Variants in MOB3B observed in about 807,000 individuals in gnomAD.
MOB3B encodes MOB kinase activator-like 2B.
A neutral mutation model predicts 18.7 loss-of-function variants in MOB3B; 7 were observed. The ratio of observed to expected loss-of-function variants is 0.37; its 90% CI spans 0.21 to 0.70. MOB3B has a LOEUF of 0.70. Among genes scored for constraint, MOB3B ranks in the 30% least tolerant of loss-of-function variants. MOB3B has a pLI of 0.52. For synonymous variants in MOB3B, 111 were observed against 99.9 expected (o/e 1.11, Z -0.66); for missense variants, 253 against 281.3 (o/e 0.90, Z 0.72).
chr9:27,510,247 G>A (rs534833264), intron 1 of MOB3B, among the ~76,000 whole-genome samples: 245 of 152,252 alleles, frequency 1.6e-3, no homozygotes, highest in Admixed American at 4.6e-3. Context: ...TGAGTTTTTC[G>A]TATTTCTGTT....
chr9:27,363,885 G>A (rs1466318439), intron 2 of MOB3B, among the ~76,000 whole-genome samples: 1 of 152,146 alleles, frequency 6.6e-6, no homozygotes, highest in Admixed American at 6.5e-5. Context: ...GAGAATACAG[G>A]CATGCGCCAC....
chr9:27,396,966 AC>A (rs1472636576), intron 2 of MOB3B: 3 of 152,260 alleles, frequency 2.0e-5, no homozygotes, highest in African/African-American at 7.2e-5. Context: ...AAACTAGAAT[AC>A]AATCTCCTGA....
At chr9:27,376,908 A>G (rs1280236029) in intron 2 of MOB3B, among the ~76,000 whole-genome samples, 3 of 152,214 alleles carry the variant, frequency 2.0e-5, no homozygotes, top group African/African-American at 7.2e-5. Context: ...TGGCTCAAGG[A>G]TCTAGCTTGC....
chr9:27,366,740 T>C (rs1821348066), intron 2 of MOB3B, among the ~76,000 whole-genome samples: 1 of 152,180 alleles, frequency 6.6e-6, no homozygotes, highest in Non-Finnish European at 1.5e-5. Context: ...TGGGCTTTTG[T>C]GGTCTGAAGA....
At chr9:27,425,775 C>T (rs1226379431) in intron 2 of MOB3B, among the ~76,000 whole-genome samples, 1 of 152,136 alleles carries the variant, frequency 6.6e-6, no homozygotes, top group Non-Finnish European at 1.5e-5. Flanking sequence ...TTTTGTCAGC[C>T]TTCTCTTCCT....
chr9:27,369,947 T>A (rs1821392406), intron 2 of MOB3B, among the ~76,000 whole-genome samples: 1 of 151,784 alleles, frequency 6.6e-6, no homozygotes, highest in East Asian at 1.9e-4. Context: ...TTTTTTTTTT[T>A]TTTTTTTTGT....
At chr9:27,405,916 G>T (rs987941181) in intron 2 of MOB3B, among the ~76,000 whole-genome samples, 1 of 152,024 alleles carries the variant, frequency 6.6e-6, no homozygotes, top group Non-Finnish European at 1.5e-5. Context: ...AGTATAGAAG[G>T]AACATACCTC....
intron 2 of MOB3B, chr9:27,378,554 A>G (rs1821524773): frequency 2.1e-6 from 1 of 470,962 alleles, no homozygotes; most frequent in African/African-American, 2.0e-5. Flanking sequence ...AAGGACCGTG[A>G]AGGTGAGGGC....
chr9:27,470,392 C>A (rs933138461), intron 1 of MOB3B, among the ~76,000 whole-genome samples: 1 of 152,146 alleles, frequency 6.6e-6, no homozygotes, highest in Admixed American at 6.5e-5. Context: ...CTTGATCAAT[C>A]GGACAACTCC....
intron 2 of MOB3B, among the ~76,000 whole-genome samples, chr9:27,420,431 TAAAG>T (rs944737298): frequency 6.6e-6 from 1 of 150,938 alleles, no homozygotes; most frequent in Non-Finnish European, 1.5e-5. Flanking sequence ...AACGAGTGGA[TAAAG>T]AAACTATGAT....
At chr9:27,501,799 A>C (rs1265912367) in intron 1 of MOB3B, among the ~76,000 whole-genome samples, 1 of 151,510 alleles carries the variant, frequency 6.6e-6, no homozygotes, top group Non-Finnish European at 1.5e-5. Context: ...TTTGTGAGAT[A>C]GGGATCTACA....
At chr9:27,486,983 T>C (rs1819737391) in intron 1 of MOB3B, among the ~76,000 whole-genome samples, 1 of 151,796 alleles carries the variant, frequency 6.6e-6, no homozygotes, top group African/African-American at 2.4e-5. Context: ...ATACAAAAAT[T>C]AGCTGGGTGT....
chr9:27,334,299 C>G (rs919419886), intron 3 of MOB3B, among the ~76,000 whole-genome samples: 1 of 151,980 alleles, frequency 6.6e-6, no homozygotes, highest in African/African-American at 2.4e-5. Context: ...TTGTCCTTTG[C>G]GGAGTCTGAA....
intron 1 of MOB3B, among the ~76,000 whole-genome samples, chr9:27,489,548 G>T (rs940586877): frequency 1.3e-5 from 2 of 152,110 alleles, no homozygotes; most frequent in Non-Finnish European, 1.5e-5. Flanking sequence ...TATGTTGCTG[G>T]TATACAATGC....
At chr9:27,416,175 A>G (rs1238191754) in intron 2 of MOB3B, among the ~76,000 whole-genome samples, 1 of 152,144 alleles carries the variant, frequency 6.6e-6, no homozygotes, top group Non-Finnish European at 1.5e-5. Context: ...AAACTCATGG[A>G]AAAGGTTTGG....
chr9:27,459,876 C>CAAA (rs35792761), intron 1 of MOB3B, among the ~76,000 whole-genome samples: 1,557 of 86,604 alleles, frequency 0.018, 30 homozygotes, highest in African/African-American at 0.065. Context: ...TTTCAGTCTC[C>CAAA]AAAAAAAAAA....
At chr9:27,496,921 A>T (rs1412558456) in intron 1 of MOB3B, among the ~76,000 whole-genome samples, 2 of 152,206 alleles carry the variant, frequency 1.3e-5, no homozygotes, top group Non-Finnish European at 2.9e-5. Context: ...TTGGTTTTCC[A>T]TTCTTGATCT....
At chr9:27,359,262 A>C in intron 2 of MOB3B, 26 bp from the exon 3 acceptor site, 1 of 1,593,520 alleles carries the variant, frequency 6.3e-7, no homozygotes, top group Non-Finnish European at 8.6e-7. Flanking sequence ...AGAAGAAAGA[A>C]TGAAACCATG....
At chr9:27,418,008 C>T (rs548007417) in intron 2 of MOB3B, among the ~76,000 whole-genome samples, 316 of 144,846 alleles carry the variant, frequency 2.2e-3, no homozygotes, top group Non-Finnish European at 3.7e-3. Flanking sequence ...AGGAGAATAG[C>T]TTGAACCTGG....
Sources: gnomAD v4.1 joint callset for allele counts (sites outside exome capture counted in the v4.1 genomes callset) on GRCh38, gnomAD v4.1.1 for gene constraint, MANE v1.5 for transcripts, NCBI Gene and HGNC (gene_info 2026-07-23, HGNC 2026-07-21) for gene names.